HNF4A: variants seen among roughly 807,000 people sequenced by gnomAD.
HNF4A encodes the protein hepatocyte nuclear factor 4 alpha, also known as hepatocyte nuclear factor 4-alpha.
A neutral mutation model predicts 52.4 loss-of-function variants in HNF4A; 15 were observed. The observed-to-expected ratio is 0.29, with a 90% CI of 0.19 to 0.44. The LOEUF (loss-of-function observed/expected upper bound fraction) is 0.44, where lower values mean the gene tolerates loss of function less well. Among genes scored for constraint, HNF4A ranks in the 20% least tolerant of loss-of-function variants. The pLI is 1.00. For synonymous variants in HNF4A, 280 were observed against 264.4 expected (o/e 1.06, Z -0.57); for missense variants, 479 against 647.2 (o/e 0.74, Z 2.82).
chr20:44,405,539 T>G (rs904840080), intron 1 of HNF4A, among the ~76,000 whole-genome samples: 3 of 152,114 alleles, frequency 2.0e-5, no homozygotes, highest in Admixed American at 1.3e-4. Context: ...GGATGGGAGA[T>G]GTGTCCAGAC....
chr20:44,425,541 C>A (rs551499687), intron 8 of HNF4A, among the ~76,000 whole-genome samples: 1 of 151,846 alleles, frequency 6.6e-6, no homozygotes, highest in African/African-American at 2.4e-5. Flanking sequence ...GCAGAAATGA[C>A]GATGGAGTAA....
intron 1 of HNF4A, among the ~76,000 whole-genome samples, chr20:44,405,157 G>T (rs984638827): frequency 7.3e-6 from 1 of 137,358 alleles, no homozygotes; most frequent in African/African-American, 2.7e-5. Context: ...GCATTTTCCC[G>T]GGGGCTGACC....
At chr20:44,387,487 T>C (rs2063240302) in intron 1 of HNF4A, among the ~76,000 whole-genome samples, 1 of 149,596 alleles carries the variant, frequency 6.7e-6, no homozygotes, top group South Asian at 2.1e-4. Context: ...CAGTGTTAAG[T>C]GGGAGTTGTA....
At chr20:44,393,679 C>G (rs6093975) in intron 1 of HNF4A, among the ~76,000 whole-genome samples, 1 of 152,190 alleles carries the variant, frequency 6.6e-6, no homozygotes, top group East Asian at 1.9e-4. Context: ...TGCAAAGCTC[C>G]TAAAACAGCT....
In HNF4A at chr20:44,407,581, C is replaced by A. The variant is rs1411677015; in HGVS notation, c.385+106C>A. The A allele has an allele frequency of 6.2e-6, 5 of 804,226 alleles. No homozygotes were observed. In the Admixed American group the frequency reaches 1.0e-4, roughly 16 times the overall value. The allele number at this position is 804,226 out of a possible 1,614,324, so 49.8% of individuals were successfully genotyped here. On this transcript the variant is annotated intron_variant, in intron 3 of 9. Transcript: ENST00000316099. Reference sequence around the variant, plus strand: ...CACACTTTATGACTCAGTGGCAGGCCCCAGGGTGACTGGCTAATGGCTGAG... The same window carrying A: ...CACACTTTATGACTCAGTGGCAGGCACCAGGGTGACTGGCTAATGGCTGAG...
chr20:44,364,626 C>T (rs756197527), intron 1 of HNF4A, among the ~76,000 whole-genome samples: 4 of 152,002 alleles, frequency 2.6e-5, no homozygotes, highest in African/African-American at 9.7e-5. Context: ...CCCACCACCG[C>T]GGCCAGCTAC....
chr20:44,379,367 C>T (rs559355348), intron 1 of HNF4A, among the ~76,000 whole-genome samples: 11 of 152,024 alleles, frequency 7.2e-5, no homozygotes, highest in African/African-American at 2.7e-4. Context: ...TTTAGGAAGC[C>T]GCCATACTGC....
intron 2 of HNF4A, 60 bp downstream of exon 2, chr20:44,406,292 G>T (rs1268044143): frequency 1.3e-6 from 2 of 1,500,730 alleles, no homozygotes; most frequent in Admixed American, 1.8e-5. Flanking sequence ...TGGCCCCAAG[G>T]TCTGTCTTCT....
intron 1 of HNF4A, among the ~76,000 whole-genome samples, chr20:44,368,084 ATATGTG>A (rs1568690520): frequency 9.7e-6 from 1 of 103,064 alleles, no homozygotes; most frequent in African/African-American, 3.7e-5. Flanking sequence ...ATATATATAT[ATATGTG>A]TGTGTGTGTG....
At chr20:44,366,762 AAAGCATT>A (rs1314667507) in intron 1 of HNF4A, among the ~76,000 whole-genome samples, 1 of 152,262 alleles carries the variant, frequency 6.6e-6, no homozygotes, top group African/African-American at 2.4e-5. Context: ...ATAGCATATT[AAAGCATT>A]AATATAAAAT....
chr20:44,419,378 C>T (rs887964004), intron 6 of HNF4A, among the ~76,000 whole-genome samples: 2 of 152,216 alleles, frequency 1.3e-5, no homozygotes, highest in Non-Finnish European at 2.9e-5. Flanking sequence ...GCCATTTAAG[C>T]AGGGCAGTGC....
Position 44,358,817 on chromosome 20 carries a change from G to A in HNF4A, c.49+2964G>A, listed in dbSNP as rs558488926. Reference sequence around the variant, plus strand: ...GGATCAAATGGAAGGATCCATGAGTGCTTAGAACAGTCCTGGGTCCAGAGC... The same window carrying A: ...GGATCAAATGGAAGGATCCATGAGTACTTAGAACAGTCCTGGGTCCAGAGC... On this transcript the variant is annotated intron_variant, in intron 1 of 9. Transcript: ENST00000316673. Among the ~76,000 whole-genome samples, 8 of 152,240 alleles carry A rather than the reference G, an allele frequency of 5.3e-5. No individual in the cohort carries two copies. The South Asian group carries it at 1.0e-3, about 20-fold the overall frequency.
chr20:44,414,705 G>A (rs756049737), intron 5 of HNF4A, 43 bp downstream of exon 5: 44 of 1,558,956 alleles, frequency 2.8e-5, no homozygotes, highest in African/African-American at 6.8e-5. Context: ...GGCAGTGGGC[G>A]GGGCAGCCAG....
intron 1 of HNF4A, among the ~76,000 whole-genome samples, chr20:44,364,861 G>A (rs371860279): frequency 1.3e-5 from 2 of 152,220 alleles, no homozygotes; most frequent in Non-Finnish European, 2.9e-5. Flanking sequence ...ATTGACCTCT[G>A]TGGCATAGTC....
chr20:44,413,029 G>A (rs2063609360), intron 3 of HNF4A, among the ~76,000 whole-genome samples: 1 of 152,190 alleles, frequency 6.6e-6, no homozygotes, highest in Admixed American at 6.5e-5. Flanking sequence ...CCACTGTCGG[G>A]ATGGTGGAAG....
intron 1 of HNF4A, among the ~76,000 whole-genome samples, chr20:44,369,908 C>T (rs1201872078): frequency 6.6e-6 from 1 of 152,318 alleles, no homozygotes; most frequent in Non-Finnish European, 1.5e-5. Context: ...CCGCCGCGCC[C>T]GGCCCTGGGC....
chr20:44,369,794 C>T (rs1415335783), intron 1 of HNF4A, among the ~76,000 whole-genome samples: 1 of 151,970 alleles, frequency 6.6e-6, no homozygotes, highest in East Asian at 1.9e-4. Context: ...GTCACCATGC[C>T]CAGCAATTTT....
In HNF4A at chr20:44,370,177, G is replaced by A. The variant is rs1202960987; in HGVS notation, c.49+14324G>A. Among the ~76,000 whole-genome samples the A allele has an allele frequency of 3.9e-5, 6 of 152,160 alleles. No individual in the cohort carries two copies. In the East Asian group the frequency reaches 9.7e-4, roughly 24 times the overall value. The stretch of plus-strand genomic sequence containing the variant: ...CAAGTAGCTGGGACTACAGGCGCCC[G>A]CCACTGCGCCCGGCTAATTTTTTGT... On this transcript the variant is annotated intron_variant, in intron 1 of 9. Coordinates refer to the HNF4A transcript ENST00000316673.
intron 1 of HNF4A, among the ~76,000 whole-genome samples, chr20:44,365,009 T>C (rs2062956585): frequency 6.6e-6 from 1 of 152,188 alleles, no homozygotes; most frequent in Non-Finnish European, 1.5e-5. Flanking sequence ...GGGGCGGGAC[T>C]AGCTGTAAAG....
Sources: gnomAD v4.1 joint callset for allele counts (sites outside exome capture counted in the v4.1 genomes callset) on GRCh38, gnomAD v4.1.1 for gene constraint, MANE v1.5 for transcripts, NCBI Gene and HGNC (gene_info 2026-07-23, HGNC 2026-07-21) for gene names.